RSU1: variants seen among roughly 807,000 people sequenced by gnomAD.
The protein encoded by RSU1 is Ras suppressor protein 1, also known as rsu-1.
In RSU1, 26 loss-of-function variants were observed where a neutral mutation model predicts 31.1. That is an observed-to-expected ratio of 0.84 (90% CI 0.61 to 1.16). The LOEUF (loss-of-function observed/expected upper bound fraction) is 1.16. Among genes scored for constraint, RSU1 ranks in the 50% most tolerant of loss-of-function variants. The pLI is 0.00. For synonymous variants in RSU1, 164 were observed against 136.3 expected (o/e 1.20, Z -1.41); for missense variants, 320 against 339.1 (o/e 0.94, Z 0.44).
At chr10:16,593,887 A>G (rs1487194787) in intron 8 of RSU1, among the ~76,000 whole-genome samples, 2 of 152,244 alleles carry the variant, frequency 1.3e-5, no homozygotes, top group Non-Finnish European at 2.9e-5. Flanking sequence ...CCGAAAGCCC[A>G]GGGGCTGGCT....
chr10:16,680,661 C>T (rs1434647377), intron 8 of RSU1, among the ~76,000 whole-genome samples: 1 of 152,112 alleles, frequency 6.6e-6, no homozygotes, highest in East Asian at 1.9e-4. Flanking sequence ...ACAACCAGAT[C>T]TTGTGTGAAC....
At chr10:16,728,915 T>G (rs935548122) in intron 7 of RSU1, among the ~76,000 whole-genome samples, 4 of 152,280 alleles carry the variant, frequency 2.6e-5, no homozygotes, top group African/African-American at 9.6e-5. Context: ...GGAAGTGACT[T>G]GGGTGACATG....
At chr10:16,655,288 T>C (rs1834758988) in intron 8 of RSU1, among the ~76,000 whole-genome samples, 1 of 152,098 alleles carries the variant, frequency 6.6e-6, no homozygotes. Context: ...TGCTAATATT[T>C]GACAACAATT....
chr10:16,727,218 G>C, intron 7 of RSU1: 1 of 443,488 alleles, frequency 2.3e-6, no homozygotes, highest in Non-Finnish European at 4.6e-6. Flanking sequence ...GAGTGACGAT[G>C]TTCCGCCTGG....
chr10:16,709,934 C>T lies in RSU1; in HGVS notation c.599-14779G>A, dbSNP rs140162318. ...AAGGTTGCCAAAATTTTCTCCCATT[C>T]GGTTTTCTATATGTAAGATCATGTC... is the stretch of plus-strand genomic sequence containing the variant. On this transcript the variant is annotated intron_variant, in intron 7 of 8. Coordinates refer to ENST00000345264, the MANE Select transcript of RSU1 (RefSeq NM_012425.4). Among the ~76,000 whole-genome samples the T allele has an allele frequency of 5.1e-4, 77 of 152,150 alleles. 1 individual carries two copies. In the East Asian group the frequency reaches 8.1e-3, roughly 16 times the overall value.
At chr10:16,707,927 G>C (rs1397670842) in intron 7 of RSU1, among the ~76,000 whole-genome samples, 5 of 151,888 alleles carry the variant, frequency 3.3e-5, no homozygotes, top group African/African-American at 7.3e-5. Context: ...TCATTCTTTT[G>C]CATGTTGATA....
At chr10:16,654,191 T>TG (rs1834732673) in intron 8 of RSU1, among the ~76,000 whole-genome samples, 1 of 151,308 alleles carries the variant, frequency 6.6e-6, no homozygotes, top group African/African-American at 2.4e-5. Flanking sequence ...TTTGTAGAAA[T>TG]GGGGTTTCAC....
intron 3 of RSU1, among the ~76,000 whole-genome samples, chr10:16,768,999 C>T (rs1260735009): frequency 6.6e-6 from 1 of 152,198 alleles, no homozygotes; most frequent in Admixed American, 6.5e-5. Context: ...ATCGGTAATA[C>T]CTGCAACAGG....
intron 8 of RSU1, among the ~76,000 whole-genome samples, chr10:16,598,860 CA>C (rs1243851965): frequency 2.6e-5 from 4 of 152,190 alleles, no homozygotes; most frequent in African/African-American, 4.8e-5. Context: ...CTGGGCCTGA[CA>C]GGGTGGCCTG....
intron 3 of RSU1, among the ~76,000 whole-genome samples, chr10:16,771,905 A>G (rs1837430928): frequency 6.6e-6 from 1 of 152,242 alleles, no homozygotes; most frequent in Non-Finnish European, 1.5e-5. Context: ...AAAGTATCTA[A>G]GCATCTACGC....
At chr10:16,650,724 C>T (rs1302136805) in intron 8 of RSU1, among the ~76,000 whole-genome samples, 2 of 151,284 alleles carry the variant, frequency 1.3e-5, no homozygotes, top group African/African-American at 4.9e-5. Flanking sequence ...GGACTACAGG[C>T]GCCCGCCACC....
intron 8 of RSU1, among the ~76,000 whole-genome samples, chr10:16,641,535 C>A (rs1588689379): frequency 6.6e-6 from 1 of 151,806 alleles, no homozygotes; most frequent in Non-Finnish European, 1.5e-5. Context: ...CACACCCACA[C>A]TCACATCTGC....
intron 4 of RSU1, among the ~76,000 whole-genome samples, chr10:16,758,928 T>G (rs183601170): frequency 1.6e-3 from 237 of 152,310 alleles, no homozygotes; most frequent in Non-Finnish European, 9.6e-4. Flanking sequence ...TTCTTTTGTT[T>G]GCATGGGAAG....
chr10:16,799,553 G>A (rs958974274), intron 2 of RSU1, among the ~76,000 whole-genome samples: 4 of 151,992 alleles, frequency 2.6e-5, no homozygotes, highest in African/African-American at 7.3e-5. Flanking sequence ...CTGGGGGCCC[G>A]GTCTTAAGGG....
intron 2 of RSU1, among the ~76,000 whole-genome samples, chr10:16,790,180 A>C (rs1219709127): frequency 6.6e-6 from 1 of 152,166 alleles, no homozygotes; most frequent in Admixed American, 6.5e-5. Context: ...AAAGAAAGAC[A>C]ATCAAGGACT....
At chr10:16,714,084 G>A (rs981656336) in intron 7 of RSU1, among the ~76,000 whole-genome samples, 6 of 152,160 alleles carry the variant, frequency 3.9e-5, no homozygotes, top group East Asian at 3.8e-4. Flanking sequence ...TGTGGAGGGC[G>A]AAAAGGCTCT....
Position 16,593,267 on chromosome 10 carries a change from AG to A in RSU1, c.*126del, listed in dbSNP as rs1190531294. ...AAAGGTAAGGTGGGAAGCATTAGAA[AG>A]AGAGTGAAAAGAAAAATAAAAAAGG... is the stretch of plus-strand genomic sequence containing the variant. On this transcript the variant is annotated 3_prime_UTR_variant, in exon 9 of 9. Transcript: ENST00000345264. 7.4e-5 allele frequency: 110 copies of A among 1,478,856 alleles called. No individual in the cohort carries two copies. The highest frequency in any genetic ancestry group is 9.3e-5 in the Non-Finnish European group (103 of 1,111,730). The allele number at this position is 1,478,856 out of a possible 1,614,324, so 91.6% of individuals were successfully genotyped here.
At chr10:16,745,764 G>A (rs1836840008) in intron 7 of RSU1, among the ~76,000 whole-genome samples, 1 of 152,210 alleles carries the variant, frequency 6.6e-6, no homozygotes, top group Non-Finnish European at 1.5e-5. Flanking sequence ...CACAGAACAA[G>A]GCAGTGGGAG....
Position 16,754,959 on chromosome 10 carries a change from G to C in RSU1, c.312C>G (p.Gly104=). ...CCTCAAGAGCTGGCAGGGAGCCGAA[G>C]CCTCGTGGCAAAGTGTTCAGCCTGT... ...GMNRLNTLPR[G]FGSLPALEVL... Residue 104 remains glycine (G), a synonymous_variant, in exon 5 of 9, where the codon GGC becomes GGG. Coordinates refer to ENST00000345264, the MANE Select transcript of RSU1 (RefSeq NM_012425.4). 6.2e-7 allele frequency: 1 copy of C among 1,613,594 alleles called. No homozygotes were observed. The highest frequency in any genetic ancestry group is 1.1e-5 in the South Asian group (1 of 91,046).
Sources: gnomAD v4.1 joint callset for allele counts (sites outside exome capture counted in the v4.1 genomes callset) on GRCh38, gnomAD v4.1.1 for gene constraint, MANE v1.5 for transcripts, NCBI Gene and HGNC (gene_info 2026-07-23, HGNC 2026-07-21) for gene names.